The following CLEC4E variants were observed in gnomAD, a reference collection of about 807,000 sequenced individuals.
The protein encoded by CLEC4E is C-type (calcium dependent, carbohydrate-recognition domain) lectin, superfamily member 9.
In CLEC4E, 21 loss-of-function variants were observed where a neutral mutation model predicts 24.7. The observed-to-expected ratio is 0.85, with a 90% CI of 0.60 to 1.22. The LOEUF is 1.22. CLEC4E is among the 50% of genes most tolerant of loss of function. CLEC4E has a pLI of 0.00. For missense variants in CLEC4E, 249 were observed against 254.1 expected (o/e 0.98, Z 0.14); for synonymous variants, 94 against 85.7 (o/e 1.10, Z -0.54).
At chr12:8,540,398 T>C (rs1213107108) in intron 1 of CLEC4E, among the ~76,000 whole-genome samples, 8 of 151,952 alleles carry the variant, frequency 5.3e-5, no homozygotes, top group African/African-American at 1.9e-4. Flanking sequence ...TTTTTTTTTC[T>C]GTGTCTCACT....
chr12:8,540,031 T>C lies in CLEC4E; in HGVS notation c.38-84A>G. 15 of 884,556 alleles carry C rather than the reference T, an allele frequency of 1.7e-5. No individual in the cohort carries two copies. In the South Asian group the frequency reaches 2.1e-4, roughly 12 times the overall value. The allele number at this position is 884,556 out of a possible 1,614,324, so 54.8% of individuals were successfully genotyped here. On this transcript the variant is annotated intron_variant, in intron 1 of 5. Transcript: ENST00000299663. The stretch of plus-strand genomic sequence containing the variant: ...AGAAGAGATTCTTATTCATCCTTAC[T>C]TATTTCCTTCTACTTCCATTGTTTG...
chr12:8,537,323 A>T, intron 3 of CLEC4E, 57 bp from the exon 4 acceptor site: 1 of 1,546,080 alleles, frequency 6.5e-7, no homozygotes, highest in South Asian at 1.2e-5. Context: ...GAAAACCCAA[A>T]GCTTCATCTG....
chr12:8,538,575 T>C (rs1476802459), intron 3 of CLEC4E, among the ~76,000 whole-genome samples: 2 of 152,220 alleles, frequency 1.3e-5, no homozygotes, highest in African/African-American at 2.4e-5. Context: ...GCATTGGTGG[T>C]AGTGGTCCCT....
rs748613322 is a variant in CLEC4E, at chr12:8,534,611, T to C, written c.*27A>G. 8.8e-6 allele frequency: 14 copies of C among 1,588,644 alleles called. No homozygotes were observed. The highest frequency in any genetic ancestry group is 1.2e-5 in the Non-Finnish European group (14 of 1,162,990). On this transcript the variant is annotated 3_prime_UTR_variant, in exon 6 of 6. Transcript: ENST00000299663. ...GGCCATGTTCTTGCTCTTCCTTCTT[T>C]ACACATTTGAGTTGTGCCTTCTGTT...
chr12:8,538,765 T>C (rs1940653350), intron 3 of CLEC4E, among the ~76,000 whole-genome samples: 1 of 152,212 alleles, frequency 6.6e-6, no homozygotes. Flanking sequence ...CTAACTTCTC[T>C]CAATTTAATG....
At chr12:8,538,719 A>G (rs970113431) in intron 3 of CLEC4E, among the ~76,000 whole-genome samples, 1 of 152,148 alleles carries the variant, frequency 6.6e-6, no homozygotes, top group Non-Finnish European at 1.5e-5. Flanking sequence ...AGAATTACAG[A>G]ACTTTTGCCT....
chr12:8,539,450 GAT>G (rs747746565), intron 2 of CLEC4E, 144 bp from the exon 3 acceptor site: 95 of 636,034 alleles, frequency 1.5e-4, no homozygotes, highest in Non-Finnish European at 2.4e-4. Context: ...AGAGAAAATA[GAT>G]ATGTTTGCAC....
Position 8,536,078 on chromosome 12 carries a change from G to A in CLEC4E, c.488+12C>T, listed in dbSNP as rs757312724. On this transcript the variant is annotated intron_variant, in intron 5 of 5. Transcript: ENST00000299663. Reference sequence around the variant, plus strand: ...AGGTTTCAAGAACTCCTCTCAATAGGAGGGTAATTACCTCAGAGACTTTGT... The same window carrying A: ...AGGTTTCAAGAACTCCTCTCAATAGAAGGGTAATTACCTCAGAGACTTTGT... 1 of 1,538,322 alleles carries A rather than the reference G, an allele frequency of 6.5e-7. No individual in the cohort carries two copies. Among genetic ancestry groups the A allele is most frequent in the Non-Finnish European group, 9.0e-7 (1 of 1,112,182 alleles).
chr12:8,537,105 C>T lies in CLEC4E; in HGVS notation c.372+10G>A. On this transcript the variant is annotated intron_variant, in intron 4 of 5. Transcript: ENST00000299663. ...GGAATGTTACATTGGCATCGGAGGA[C>T]TCCAGCTACCTGCTCCTCCTGTGAG... 6.2e-7 allele frequency: 1 copy of T among 1,608,198 alleles called. No individual in the cohort carries two copies. Among genetic ancestry groups the T allele is most frequent in the Non-Finnish European group, 8.5e-7 (1 of 1,175,850 alleles).
chr12:8,535,567 A>G (rs1439540102), intron 5 of CLEC4E, among the ~76,000 whole-genome samples: 2 of 131,632 alleles, frequency 1.5e-5, no homozygotes, highest in Non-Finnish European at 3.3e-5. Flanking sequence ...AACTTAAAAT[A>G]AAAGTTGAAG....
At chr12:8,535,465 T>A (rs1940599287) in intron 5 of CLEC4E, among the ~76,000 whole-genome samples, 1 of 152,212 alleles carries the variant, frequency 6.6e-6, no homozygotes, top group African/African-American at 2.4e-5. Context: ...CTGGACTTAA[T>A]ACCCGGGTCA....
At chr12:8,538,426 C>T (rs1940645384) in intron 3 of CLEC4E, among the ~76,000 whole-genome samples, 1 of 152,222 alleles carries the variant, frequency 6.6e-6, no homozygotes, top group East Asian at 1.9e-4. Context: ...CAGGGAAGGT[C>T]CCCCTGTCCA....
At chr12:8,540,313 T>A (rs1940680211) in intron 1 of CLEC4E, among the ~76,000 whole-genome samples, 1 of 152,228 alleles carries the variant, frequency 6.6e-6, no homozygotes, top group Non-Finnish European at 1.5e-5. Flanking sequence ...CAGTATTTTC[T>A]AAGGCCCCCC....
At chr12:8,540,573 T>G (rs1940685760) in intron 1 of CLEC4E, among the ~76,000 whole-genome samples, 188 bp downstream of exon 1, 1 of 152,206 alleles carries the variant, frequency 6.6e-6, no homozygotes, top group African/African-American at 2.4e-5. Context: ...TAGCTCTCCC[T>G]TAGCTAGAGG....
chr12:8,538,755 C>T (rs1940653097), intron 3 of CLEC4E, among the ~76,000 whole-genome samples: 1 of 152,174 alleles, frequency 6.6e-6, no homozygotes, highest in African/African-American at 2.4e-5. Flanking sequence ...AATAATTCTT[C>T]TAACTTCTCT....
At position 8,537,239 on chromosome 12, in the gene CLEC4E, T is replaced by C; in HGVS notation, c.248A>G (p.Asn83Ser). The C allele has an allele frequency of 1.2e-6, 2 of 1,613,792 alleles. No homozygotes were observed. The highest frequency in any genetic ancestry group is 1.7e-6 in the Non-Finnish European group (2 of 1,179,746). ...GCAGCTGGATTGAAAATATTCCCAGTTCAATGGACAACAATTCTTGACTGA... is the reference window on the plus strand; with the variant it reads ...GCAGCTGGATTGAAAATATTCCCAGCTCAATGGACAACAATTCTTGACTGA... ...SGSVKNCCPL[N>S]WEYFQSSCYF... The change falls in exon 4 of 6, where the codon AAC (asparagine) becomes AGC (serine). Residue 83 changes from asparagine (N) to serine (S), a missense_variant. Asn to Ser is a conservative substitution (Grantham distance 46, BLOSUM62 1). Transcript: ENST00000299663.
rs747317936 is a variant in CLEC4E, at chr12:8,540,648, C to A, written c.37+113G>T. ...CTCTCTCTCTCTTCCTCTGTCCCCC[C>A]ACTTTTTTTTTTAACTTCAGTGAAT... On this transcript the variant is annotated intron_variant, in intron 1 of 5. Coordinates refer to ENST00000299663, the MANE Select transcript of CLEC4E (RefSeq NM_014358.4). 3 of 894,942 alleles carry A rather than the reference C, an allele frequency of 3.4e-6. 1 individual carries two copies. Among genetic ancestry groups the A allele is most frequent in the Non-Finnish European group, 5.1e-6 (3 of 588,432 alleles). 55.4% of individuals were successfully genotyped at this position (894,942 alleles called of 1,614,324 possible).
chr12:8,538,874 T>C (rs922438650), intron 3 of CLEC4E: 2 of 350,686 alleles, frequency 5.7e-6, no homozygotes, highest in Admixed American at 4.6e-5. Context: ...GCATAGAGAG[T>C]ATATTTGTGA....
At chr12:8,536,641 TG>T (rs1210588425) in intron 4 of CLEC4E, among the ~76,000 whole-genome samples, 1 of 152,172 alleles carries the variant, frequency 6.6e-6, no homozygotes, top group Non-Finnish European at 1.5e-5. Flanking sequence ...TTTTTTTTTG[TG>T]GTAAAATATA....
Sources: allele counts gnomAD v4.1 joint callset (sites outside exome capture counted in the v4.1 genomes callset), GRCh38; gene constraint gnomAD v4.1.1; transcripts MANE v1.5; gene names NCBI Gene and HGNC (gene_info 2026-07-23, HGNC 2026-07-21).